The following ADAMTSL3 variants were observed in gnomAD, a reference collection of about 807,000 sequenced individuals.
ADAMTSL3 encodes the protein ADAMTS-like protein 3.
Under a neutral mutation model 201.7 loss-of-function variants are expected in ADAMTSL3, and 128 were observed. The observed-to-expected ratio is 0.63, with a 90% CI of 0.55 to 0.73. ADAMTSL3 has a LOEUF of 0.73. Among genes scored for constraint, ADAMTSL3 ranks in the 30% least tolerant of loss-of-function variants. The pLI is 0.00. For synonymous variants in ADAMTSL3, 738 were observed against 748.4 expected, an observed-to-expected ratio of 0.99 and a Z score of 0.23; for missense variants, 1,990 against 2,119.6, an observed-to-expected ratio of 0.94 and a Z score of 1.20.
intron 3 of ADAMTSL3, among the ~76,000 whole-genome samples, chr15:83,708,378 T>A (rs2061882369): frequency 6.6e-6 from 1 of 152,232 alleles, no homozygotes; most frequent in African/African-American, 2.4e-5. Context: ...CAGGTCATTC[T>A]TCAAATGTCT....
intron 4 of ADAMTSL3, among the ~76,000 whole-genome samples, chr15:83,799,032 T>G (rs1382620494): frequency 6.6e-6 from 1 of 152,146 alleles, no homozygotes; most frequent in Admixed American, 6.5e-5. Context: ...TTCACTGTCA[T>G]TTTGGAAGTA....
At chr15:83,821,932 C>T (rs1338141756) in intron 6 of ADAMTSL3, among the ~76,000 whole-genome samples, 32 of 148,686 alleles carry the variant, frequency 2.2e-4, no homozygotes, top group African/African-American at 6.7e-4. Context: ...CTCCTCACTT[C>T]CCAGTAGGGG....
chr15:83,691,925 T>G (rs1444243694), intron 2 of ADAMTSL3, among the ~76,000 whole-genome samples: 1 of 152,206 alleles, frequency 6.6e-6, no homozygotes, highest in African/African-American at 2.4e-5. Flanking sequence ...CCAAGTGACA[T>G]TTTAATGTCA....
chr15:83,936,402 A>C (rs1274696964), intron 17 of ADAMTSL3, among the ~76,000 whole-genome samples: 1 of 151,030 alleles, frequency 6.6e-6, no homozygotes, highest in African/African-American at 2.5e-5. Context: ...GAATGAGAAG[A>C]ATGGAAAAGT....
intron 4 of ADAMTSL3, among the ~76,000 whole-genome samples, chr15:83,786,815 TTATAGTACTAAATGGAA>T (rs950856212): frequency 2.3e-4 from 35 of 152,328 alleles, no homozygotes; most frequent in East Asian, 5.8e-4. Flanking sequence ...TGTGCTTCCA[TTATAGTACTAAATGGAA>T]TATAGTACTA....
intron 23 of ADAMTSL3, among the ~76,000 whole-genome samples, chr15:84,002,931 CTTTTCTTTTTTTTT>C (rs2067821013): frequency 2.7e-5 from 2 of 74,614 alleles, no homozygotes; most frequent in African/African-American, 1.3e-4. Flanking sequence ...CTTTTCTTTT[CTTTTCTTTTTTTTT>C]TTTTTTTTTT....
chr15:83,681,783 G>A lies in ADAMTSL3; in HGVS notation c.70-22606G>A, dbSNP rs552132031. On this transcript the variant is annotated intron_variant, in intron 2 of 29. Coordinates refer to ENST00000286744, the MANE Select transcript of ADAMTSL3 (RefSeq NM_207517.3). ...AGAAAGAGAGAGACCTCAAGTGAAG[G>A]TGTTCCCGTCTCCCCTGTGCCCTGT... Among the ~76,000 whole-genome samples, 41 of 152,240 alleles carry A rather than the reference G, an allele frequency of 2.7e-4. No individual in the cohort carries two copies. In the South Asian group the frequency reaches 8.1e-3, roughly 30 times the overall value.
intron 2 of ADAMTSL3, among the ~76,000 whole-genome samples, chr15:83,656,658 A>G (rs185912337): frequency 1.3e-5 from 2 of 152,306 alleles, no homozygotes; most frequent in East Asian, 1.9e-4. Context: ...ACATCTTAGT[A>G]TTGTGTCCCA....
intron 17 of ADAMTSL3, among the ~76,000 whole-genome samples, chr15:83,933,321 C>T (rs2066395940): frequency 1.3e-5 from 2 of 152,124 alleles, no homozygotes; most frequent in African/African-American, 4.8e-5. Flanking sequence ...TGGCATTTTT[C>T]CCCTGCTCTA....
At chr15:83,830,003 G>C (rs1489323650) in intron 6 of ADAMTSL3, among the ~76,000 whole-genome samples, 4 of 152,214 alleles carry the variant, frequency 2.6e-5, no homozygotes, top group African/African-American at 9.7e-5. Flanking sequence ...TGTATATTCT[G>C]TTGATTTGGG....
In ADAMTSL3 at chr15:83,720,158, G is replaced by A. The variant is rs187611505; in HGVS notation, c.189+15650G>A. ...CACTTGAGTCTGGGAGGCAGAGGTT[G>A]CAGTGAGCAGAAATCATACCACTGC... On this transcript the variant is annotated intron_variant, in intron 3 of 29. Coordinates refer to ENST00000286744, the MANE Select transcript of ADAMTSL3 (RefSeq NM_207517.3). Among the ~76,000 whole-genome samples, 18 of 152,280 alleles carry A rather than the reference G, an allele frequency of 1.2e-4. No homozygotes were observed. The East Asian group carries it at 2.5e-3, about 21-fold the overall frequency.
At chr15:83,814,725 A>T (rs2063746998) in intron 5 of ADAMTSL3, among the ~76,000 whole-genome samples, 1 of 152,164 alleles carries the variant, frequency 6.6e-6, no homozygotes, top group Non-Finnish European at 1.5e-5. Context: ...AAATTTTAAA[A>T]TTTGCTTGTA....
chr15:83,921,155 T>C (rs2066135742), intron 16 of ADAMTSL3, among the ~76,000 whole-genome samples: 1 of 152,206 alleles, frequency 6.6e-6, no homozygotes, highest in Non-Finnish European at 1.5e-5. Flanking sequence ...CCTAGGACTT[T>C]ATACAAATTC....
intron 4 of ADAMTSL3, among the ~76,000 whole-genome samples, chr15:83,787,523 A>AT (rs1220851648): frequency 6.6e-6 from 1 of 152,186 alleles, no homozygotes; most frequent in East Asian, 1.9e-4. Context: ...TAAAAACATC[A>AT]TTTTTTTCAA....
chr15:83,815,135 T>C (rs922844365), intron 5 of ADAMTSL3, among the ~76,000 whole-genome samples: 7 of 152,306 alleles, frequency 4.6e-5, no homozygotes, highest in Admixed American at 2.6e-4. Context: ...TTTCTGAGCT[T>C]CCCAGACTGG....
chr15:83,952,403 G>T (rs62027812), intron 19 of ADAMTSL3, among the ~76,000 whole-genome samples: 85 of 152,280 alleles, frequency 5.6e-4, no homozygotes, highest in Non-Finnish European at 1.0e-3. Context: ...TAATCCATGT[G>T]CTGAAGAGAA....
rs2068522425 is a variant in ADAMTSL3 at position 84,036,972 on chromosome 15, G to A, written c.4954G>A (p.Gly1652Arg). The change falls in exon 29 of 30, where the codon GGG becomes AGG. Residue 1652 changes from glycine (G) to arginine (R), a missense_variant. Transcript: ENST00000286744. Reference protein sequence around the residue: ...KKPISWRHCLGPSCDRDCTDT... With the variant: ...KKPISWRHCLRPSCDRDCTDT... ...ACCAATTTCCTGGCGGCACTGTCTT[G>A]GGCCCTCCTGTGATAGTACGTACAC... 1 of 1,613,848 alleles carries A rather than the reference G, an allele frequency of 6.2e-7. No homozygotes were observed. Among genetic ancestry groups the A allele is most frequent in the Non-Finnish European group, 8.5e-7 (1 of 1,179,990 alleles).
Position 83,942,587 on chromosome 15 carries a change from C to T in ADAMTSL3, c.2118-9C>T, listed in dbSNP as rs1006747467. On this transcript the variant is annotated splice_polypyrimidine_tract_variant and intron_variant, in intron 17 of 29. Coordinates refer to ENST00000286744, the MANE Select transcript of ADAMTSL3 (RefSeq NM_207517.3). ...CTGTTCAACTTTCCCCACTTGTTTT[C>T]TGTTTTAGGTGGCATGTGGGCTCTT... is the stretch of plus-strand genomic sequence containing the variant. 1.5e-5 allele frequency: 24 copies of T among 1,606,334 alleles called. No homozygotes were observed. Among genetic ancestry groups the T allele is most frequent in the Middle Eastern group, 1.8e-4 (1 of 5,500 alleles).
chr15:83,835,157 C>G (rs2064240081), intron 6 of ADAMTSL3, among the ~76,000 whole-genome samples: 1 of 150,956 alleles, frequency 6.6e-6, no homozygotes, highest in African/African-American at 2.4e-5. Flanking sequence ...TGGCGTGAAC[C>G]CAGGAGGCAG....
Sources: allele counts gnomAD v4.1 joint callset (sites outside exome capture counted in the v4.1 genomes callset), GRCh38; gene constraint gnomAD v4.1.1; transcripts MANE v1.5; gene names NCBI Gene and HGNC (gene_info 2026-07-23, HGNC 2026-07-21).